The following CLTC variants were observed in gnomAD, a reference collection of about 807,000 sequenced individuals.
CLTC encodes clathrin heavy chain.
CLTC carries 16 observed loss-of-function variants against 195.8 expected under a neutral mutation model. The observed-to-expected ratio is 0.08, with a 90% CI of 0.06 to 0.12. The LOEUF is 0.12. Ranked by LOEUF, CLTC falls within the 10% of genes least tolerant of loss-of-function variation. The probability of loss-of-function intolerance (pLI) is 1.00; values close to 1 mark genes in which losing one functional copy is unlikely to be tolerated. For synonymous variants in CLTC, 667 were observed against 689.4 expected (o/e 0.97, Z 0.51); for missense variants, 796 against 2,027.0 (o/e 0.39, Z 11.66).
intron 16 of CLTC, among the ~76,000 whole-genome samples, chr17:59,675,834 C>G (rs1397901141): frequency 1.3e-5 from 2 of 152,202 alleles, no homozygotes; most frequent in Non-Finnish European, 2.9e-5. Flanking sequence ...ATCTAAGTCA[C>G]TAGTCTAGAC....
At chr17:59,656,941 G>A (rs2143530815) in intron 6 of CLTC, among the ~76,000 whole-genome samples, 1 of 151,870 alleles carries the variant, frequency 6.6e-6, no homozygotes, top group Non-Finnish European at 1.5e-5. Context: ...CAAAGTGCTG[G>A]GATTACAGGC....
At chr17:59,686,857 A>C in intron 30 of CLTC, 4 of 289,346 alleles carry the variant, frequency 1.4e-5, no homozygotes, top group Non-Finnish European at 2.1e-5. Context: ...TTTTGCTTCC[A>C]GTATGCCCTT....
rs757266071 is a variant in CLTC at position 59,684,022 on chromosome 17, T to C, written c.4434+37T>C. On this transcript the variant is annotated intron_variant, in intron 28 of 31. Transcript: ENST00000269122. ...TGATTCTTGCACATAATCTCAAGAC[T>C]CATAAAGTTATGTTTTCCCATTTTT... is the stretch of plus-strand genomic sequence containing the variant. The C allele has an allele frequency of 5.6e-5, 73 of 1,308,788 alleles. No individual in the cohort carries two copies. In the African/African-American group the frequency reaches 9.0e-4, roughly 16 times the overall value. 81.1% of individuals were successfully genotyped at this position (1,308,788 alleles called of 1,614,324 possible). A position where few individuals can be genotyped will look rare whatever the true frequency, so the allele number is the denominator to read the frequency against.
At chr17:59,626,099 G>A (rs981238663) in intron 1 of CLTC, among the ~76,000 whole-genome samples, 7 of 152,188 alleles carry the variant, frequency 4.6e-5, no homozygotes, top group Non-Finnish European at 1.0e-4. Flanking sequence ...ATTTACCTAA[G>A]ATTTGAGTAC....
chr17:59,663,581 C>G (rs2032658368), intron 8 of CLTC, among the ~76,000 whole-genome samples: 2 of 152,112 alleles, frequency 1.3e-5, no homozygotes, highest in Admixed American at 6.6e-5. Context: ...AAATCCTTAA[C>G]AAGGTAGTTG....
At chr17:59,642,717 G>C (rs2032074567) in intron 1 of CLTC, among the ~76,000 whole-genome samples, 1 of 152,172 alleles carries the variant, frequency 6.6e-6, no homozygotes, top group Admixed American at 6.5e-5. Context: ...ATATACTTGA[G>C]CTTGTAAAGC....
At position 59,686,390 on chromosome 17, in the gene CLTC, T is replaced by C. The variant is rs2033185109; in HGVS notation, c.4827+582T>C. 1.3e-5 allele frequency among the ~76,000 whole-genome samples: 2 copies of C among 152,170 alleles called. 1 individual carries two copies. The highest frequency in any genetic ancestry group is 4.8e-5 in the African/African-American group (2 of 41,448). On this transcript the variant is annotated intron_variant, in intron 30 of 31. Transcript: ENST00000269122. ...TTGATGTATGAATTTACTCACCCTATCTTCAGCAGTTACTAGCTGTCTCTC... is the reference window on the plus strand; with the variant it reads ...TTGATGTATGAATTTACTCACCCTACCTTCAGCAGTTACTAGCTGTCTCTC...
At chr17:59,665,891 T>A (rs2032719393) in intron 10 of CLTC, among the ~76,000 whole-genome samples, 1 of 152,176 alleles carries the variant, frequency 6.6e-6, no homozygotes, top group African/African-American at 2.4e-5. Context: ...TCGGTTCAGT[T>A]GTATTCTGCT....
At chr17:59,622,670 A>T (rs529412925) in intron 1 of CLTC, among the ~76,000 whole-genome samples, 6 of 152,200 alleles carry the variant, frequency 3.9e-5, no homozygotes, top group Non-Finnish European at 8.8e-5. Flanking sequence ...CACCGAGCCC[A>T]ACTAATAAGG....
rs774078940 is a variant in CLTC at position 59,648,756 on chromosome 17, G to A, written c.681+355G>A. 4.6e-5 allele frequency: 8 copies of A among 175,798 alleles called. 1 individual carries two copies. The East Asian group carries it at 8.0e-4, about 18-fold the overall frequency. 10.9% of individuals were successfully genotyped at this position (175,798 alleles called of 1,614,324 possible). A position where few individuals can be genotyped will look rare whatever the true frequency, so the allele number is the denominator to read the frequency against. ...GTTGCCCAGGCTGGAGTGCAGTGGC[G>A]CAGTCATGGGCTCACTGCAGCCTCG... On this transcript the variant is annotated intron_variant, in intron 4 of 31. Coordinates refer to ENST00000269122, the MANE Select transcript of CLTC (RefSeq NM_004859.4). The surrounding 1 kb of genome is among the most constrained non-coding windows in gnomAD (Gnocchi z 4.5).
Position 59,621,861 on chromosome 17 carries a change from G to A in CLTC, c.42+1688G>A, listed in dbSNP as rs1336253043. 3.3e-5 allele frequency among the ~76,000 whole-genome samples: 5 copies of A among 152,200 alleles called. No individual in the cohort carries two copies. In the South Asian group the frequency reaches 1.0e-3, roughly 31 times the overall value. ...GGGGTGCTGTTCTTAAGTGTGAGGG[G>A]AAAACGCGGGCTTATTTTCATATTA... On this transcript the variant is annotated intron_variant, in intron 1 of 31. Transcript: ENST00000269122.
chr17:59,677,721 T>C (rs2032997442), intron 17 of CLTC, among the ~76,000 whole-genome samples: 1 of 152,216 alleles, frequency 6.6e-6, no homozygotes, highest in African/African-American at 2.4e-5. Flanking sequence ...TGGCATGTAG[T>C]TTTCATGTCT....
At chr17:59,657,821 C>A (rs2032509356) in intron 6 of CLTC, among the ~76,000 whole-genome samples, 1 of 145,562 alleles carries the variant, frequency 6.9e-6, no homozygotes. Context: ...TTTTGGTGAA[C>A]TAGATTAGTG....
chr17:59,692,530 C>G (rs903671540), intron 31 of CLTC, among the ~76,000 whole-genome samples: 2 of 152,172 alleles, frequency 1.3e-5, no homozygotes, highest in Admixed American at 6.5e-5. Context: ...GTCATGTTTT[C>G]TGTATATGGC....
intron 5 of CLTC, among the ~76,000 whole-genome samples, chr17:59,654,103 G>A (rs1435674168): frequency 6.6e-6 from 1 of 152,002 alleles, no homozygotes; most frequent in East Asian, 1.9e-4. Context: ...GGCCTTAAGT[G>A]ATCCTTCTGC....
chr17:59,621,974 A>G (rs1332244626), intron 1 of CLTC, among the ~76,000 whole-genome samples: 1 of 152,254 alleles, frequency 6.6e-6, no homozygotes, highest in Non-Finnish European at 1.5e-5. Flanking sequence ...TCCACGGCAG[A>G]TGTGTAGCTC....
At chr17:59,686,857 A>G (rs2033196085) in intron 30 of CLTC, 1 of 289,228 alleles carries the variant, frequency 3.5e-6, no homozygotes, top group Non-Finnish European at 5.2e-6. Context: ...TTTTGCTTCC[A>G]GTATGCCCTT....
At chr17:59,621,825 T>C (rs931955077) in intron 1 of CLTC, among the ~76,000 whole-genome samples, 6 of 152,166 alleles carry the variant, frequency 3.9e-5, no homozygotes, top group African/African-American at 1.4e-4. Flanking sequence ...CAAATGAATG[T>C]GGAGAGTTGA....
Position 59,627,123 on chromosome 17 carries a change from A to T in CLTC, c.42+6950A>T, listed in dbSNP as rs144811783. ...GCCATGTTTCCCAGGATGGTCTCAA[A>T]ATCCCGGGCTCAAGCAGTCCACCTG... On this transcript the variant is annotated intron_variant, in intron 1 of 31. Coordinates refer to ENST00000269122, the MANE Select transcript of CLTC (RefSeq NM_004859.4). Among the ~76,000 whole-genome samples, 29 of 152,184 alleles carry T rather than the reference A, an allele frequency of 1.9e-4. No homozygotes were observed. In the East Asian group the frequency reaches 5.2e-3, roughly 27 times the overall value.
Sources: allele counts gnomAD v4.1 joint callset (sites outside exome capture counted in the v4.1 genomes callset), GRCh38; gene constraint gnomAD v4.1.1; non-coding constraint Gnocchi (gnomAD v3.1); transcripts MANE v1.5; gene names NCBI Gene and HGNC (gene_info 2026-07-23, HGNC 2026-07-21).